TNFRSF8: variants seen among roughly 807,000 people sequenced by gnomAD.
TNFRSF8 encodes the protein TNF receptor superfamily member 8, also known as tumor necrosis factor receptor superfamily member 8.
A neutral mutation model predicts 70.8 loss-of-function variants in TNFRSF8; 26 were observed. The observed-to-expected ratio is 0.37, with a 90% CI of 0.27 to 0.51. The LOEUF is 0.51. TNFRSF8 is among the 20% of genes least tolerant of loss of function. The pLI is 0.94. For synonymous variants in TNFRSF8, 356 were observed against 339.2 expected, an observed-to-expected ratio of 1.05 and a Z score of -0.54; for missense variants, 720 against 807.9, an observed-to-expected ratio of 0.89 and a Z score of 1.32.
intron 12 of TNFRSF8, among the ~76,000 whole-genome samples, chr1:12,135,341 G>C (rs1338620571): frequency 1.4e-5 from 2 of 142,746 alleles, no homozygotes; most frequent in Non-Finnish European, 3.1e-5. Flanking sequence ...AAAGGAATGA[G>C]AGTGGCCAGG....
At chr1:12,080,625 T>A in intron 1 of TNFRSF8, 2 of 296,892 alleles carry the variant, frequency 6.7e-6, no homozygotes, top group South Asian at 3.0e-5. Context: ...TGGTGCGTTC[T>A]TGGCTCACTG....
At chr1:12,065,808 C>T (rs577679690) in intron 1 of TNFRSF8, among the ~76,000 whole-genome samples, 1 of 152,150 alleles carries the variant, frequency 6.6e-6, no homozygotes, top group Non-Finnish European at 1.5e-5. Context: ...CTAAGGTTGC[C>T]ACCATTGTTC....
chr1:12,072,526 C>G (rs926667862), intron 1 of TNFRSF8, among the ~76,000 whole-genome samples: 1 of 152,066 alleles, frequency 6.6e-6, no homozygotes, highest in Non-Finnish European at 1.5e-5. Flanking sequence ...GCCCAGGGCT[C>G]TGGAGGCAGC....
intron 1 of TNFRSF8, among the ~76,000 whole-genome samples, chr1:12,069,170 C>CGTTTT (rs1640794408): frequency 1.9e-5 from 1 of 53,548 alleles, no homozygotes; most frequent in Non-Finnish European, 3.2e-5. Flanking sequence ...TGCACCCGGC[C>CGTTTT]TTTTTTTTTT....
intron 4 of TNFRSF8, among the ~76,000 whole-genome samples, 179 bp downstream of exon 4, chr1:12,104,710 C>A (rs1641489828): frequency 6.6e-6 from 1 of 152,236 alleles, no homozygotes; most frequent in African/African-American, 2.4e-5. Flanking sequence ...CTGCTGCCCT[C>A]CCCCACCTTG....
intron 1 of TNFRSF8, among the ~76,000 whole-genome samples, chr1:12,075,951 T>A (rs1640943756): frequency 6.6e-6 from 1 of 152,160 alleles, no homozygotes; most frequent in Non-Finnish European, 1.5e-5. Flanking sequence ...ATTCCCAGCA[T>A]ACAGTAAAAC....
chr1:12,133,704 C>T (rs1179590657), intron 12 of TNFRSF8, among the ~76,000 whole-genome samples: 2 of 143,690 alleles, frequency 1.4e-5, no homozygotes, highest in African/African-American at 2.6e-5. Flanking sequence ...CGCGCTGCTG[C>T]ACTTCACCCT....
At chr1:12,116,671 G>T (rs1235779624) in intron 8 of TNFRSF8, among the ~76,000 whole-genome samples, 1 of 152,098 alleles carries the variant, frequency 6.6e-6, no homozygotes, top group Non-Finnish European at 1.5e-5. Flanking sequence ...TGTGGTGGTG[G>T]GCACCGTAGT....
chr1:12,069,064 G>A (rs1287636377), intron 1 of TNFRSF8, among the ~76,000 whole-genome samples: 1 of 149,546 alleles, frequency 6.7e-6, no homozygotes, highest in Non-Finnish European at 1.5e-5. Flanking sequence ...GTAGAGATGG[G>A]GTTTCACCAT....
intron 1 of TNFRSF8, among the ~76,000 whole-genome samples, chr1:12,075,097 AG>A (rs2100951763): frequency 6.6e-6 from 1 of 152,126 alleles, no homozygotes; most frequent in Non-Finnish European, 1.5e-5. Context: ...TACAAAGCTT[AG>A]CCAGGTGTGG....
In TNFRSF8 at chr1:12,142,484, G is replaced by A. The variant is rs988901507; in HGVS notation, c.1741G>A (p.Glu581Lys). Reference protein sequence around the residue: ...SCSDVMLSVEEEGKEDPLPTA... With the variant: ...SCSDVMLSVEKEGKEDPLPTA... The stretch of plus-strand genomic sequence containing the variant: ...CAGCGATGTCATGCTCTCAGTGGAA[G>A]AGGAAGGGAAAGAAGACCCCTTGCC... The change falls in exon 15 of 15, where the codon GAG (glutamate) becomes AAG (lysine). Residue 581 changes from glutamate to lysine, a missense_variant. By Grantham distance (56) the Glu-to-Lys change is moderately conservative (BLOSUM62 1). Coordinates refer to ENST00000263932, the MANE Select transcript of TNFRSF8 (RefSeq NM_001243.5). The surrounding 1 kb of genome is among the most constrained non-coding windows in gnomAD (Gnocchi z 5.0). 1 of 1,601,494 alleles carries A rather than the reference G, an allele frequency of 6.2e-7. No individual in the cohort carries two copies. The highest frequency in any genetic ancestry group is 1.3e-5 in the African/African-American group (1 of 74,714).
rs925704206 is a variant in TNFRSF8 at position 12,138,699 on chromosome 1, C to G, written c.1543+263C>G. 6.6e-6 allele frequency among the ~76,000 whole-genome samples: 1 copy of G among 152,184 alleles called. No individual in the cohort carries two copies. The highest frequency in any genetic ancestry group is 2.4e-5 in the African/African-American group (1 of 41,428). On this transcript the variant is annotated intron_variant, in intron 14 of 14. Coordinates refer to ENST00000263932, the MANE Select transcript of TNFRSF8 (RefSeq NM_001243.5). The surrounding 1 kb of genome is among the most constrained non-coding windows in gnomAD (Gnocchi z 5.7). ...ATAAAAAACGAACACCACCCCAGCCCCCAACACCGAGCACCCGAGGGGACA... is the reference window on the plus strand; with the variant it reads ...ATAAAAAACGAACACCACCCCAGCCGCCAACACCGAGCACCCGAGGGGACA...
intron 13 of TNFRSF8, among the ~76,000 whole-genome samples, chr1:12,137,192 G>T (rs1199107497): frequency 6.6e-6 from 1 of 152,130 alleles, no homozygotes; most frequent in Non-Finnish European, 1.5e-5. Context: ...AGGAATCTCA[G>T]CGCCTTTTAA....
rs940775814 is a variant in TNFRSF8, at chr1:12,113,243, G to T, written c.793+1229G>T. Among the ~76,000 whole-genome samples, 1 of 152,160 alleles carries T rather than the reference G, an allele frequency of 6.6e-6. No homozygotes were observed. The highest frequency in any genetic ancestry group is 2.4e-5 in the African/African-American group (1 of 41,438). Reference sequence around the variant, plus strand: ...GATGTTGGCTCCTGGCTGCAGCCTTGGTTCCCTTCCATGTCGGCCTCTTCG... The same window carrying T: ...GATGTTGGCTCCTGGCTGCAGCCTTTGTTCCCTTCCATGTCGGCCTCTTCG... On this transcript the variant is annotated intron_variant, in intron 7 of 14. Coordinates refer to ENST00000263932, the MANE Select transcript of TNFRSF8 (RefSeq NM_001243.5). The surrounding 1 kb of genome is among the most constrained non-coding windows in gnomAD (Gnocchi z 4.9).
intron 12 of TNFRSF8, among the ~76,000 whole-genome samples, chr1:12,131,408 C>G (rs1011733320): frequency 3.3e-5 from 5 of 152,176 alleles, no homozygotes; most frequent in Admixed American, 2.6e-4. Context: ...TGAGATTGCA[C>G]CACTGCACTC....
rs1641786597 is a variant in TNFRSF8 at position 12,119,152 on chromosome 1, C to T, written c.946+3423C>T. Among the ~76,000 whole-genome samples the T allele has an allele frequency of 6.6e-6, 1 of 152,264 alleles. No homozygotes were observed. Among genetic ancestry groups the T allele is most frequent in the African/African-American group, 2.4e-5 (1 of 41,474 alleles). On this transcript the variant is annotated intron_variant, in intron 8 of 14. Transcript: ENST00000263932. The surrounding 1 kb of genome is among the most constrained non-coding windows in gnomAD (Gnocchi z 4.4). Reference sequence around the variant, plus strand: ...GTGCTGGGATTACCGGCGTGAGCCACTGCGCCCGGCCATTTGTTTCTTCTT... The same window carrying T: ...GTGCTGGGATTACCGGCGTGAGCCATTGCGCCCGGCCATTTGTTTCTTCTT...
chr1:12,074,305 A>G (rs1227959566), intron 1 of TNFRSF8, among the ~76,000 whole-genome samples: 2 of 150,712 alleles, frequency 1.3e-5, no homozygotes, highest in Non-Finnish European at 3.0e-5. Context: ...TTTGAGACAG[A>G]ATCTCACTCT....
At chr1:12,101,606 C>T (rs373055517) in intron 3 of TNFRSF8, among the ~76,000 whole-genome samples, 47 of 152,222 alleles carry the variant, frequency 3.1e-4, no homozygotes, top group Non-Finnish European at 5.6e-4. Context: ...ATGGGAGTAA[C>T]GCACGTGCTA....
chr1:12,141,289 G>C lies in TNFRSF8; in HGVS notation c.1544-998G>C, dbSNP rs1642249953. Among the ~76,000 whole-genome samples the C allele has an allele frequency of 6.6e-6, 1 of 151,674 alleles. No individual in the cohort carries two copies. Among genetic ancestry groups the C allele is most frequent in the Non-Finnish European group, 1.5e-5 (1 of 67,964 alleles). Reference sequence around the variant, plus strand: ...ATTCTGGCCTCCAGAGTCCAGCGCAGAACAGCTGGGAGCCAGCCCACCCTG... The same window carrying C: ...ATTCTGGCCTCCAGAGTCCAGCGCACAACAGCTGGGAGCCAGCCCACCCTG... On this transcript the variant is annotated intron_variant, in intron 14 of 14. Transcript: ENST00000263932. The surrounding 1 kb of genome is among the most constrained non-coding windows in gnomAD (Gnocchi z 5.4).
Sources: gnomAD v4.1 joint callset for allele counts (sites outside exome capture counted in the v4.1 genomes callset) on GRCh38, gnomAD v4.1.1 for gene constraint, Gnocchi (gnomAD v3.1) non-coding constraint, MANE v1.5 for transcripts, NCBI Gene and HGNC (gene_info 2026-07-23, HGNC 2026-07-21) for gene names.